LARP1: variants seen among roughly 807,000 people sequenced by gnomAD.
LARP1 encodes la-related protein 1.
LARP1 carries 36 observed loss-of-function variants against 122.7 expected under a neutral mutation model. The observed-to-expected ratio is 0.29, with a 90% CI of 0.22 to 0.39. The LOEUF is 0.39. LARP1 is among the 10% of genes least tolerant of loss of function. The pLI, the probability that LARP1 is intolerant of heterozygous loss-of-function variation, is 1.00. For missense variants in LARP1, 1,040 were observed against 1,403.6 expected, an observed-to-expected ratio of 0.74 and a Z score of 4.14; for synonymous variants, 539 against 528.7, an observed-to-expected ratio of 1.02 and a Z score of -0.27.
chr5:154,776,647 A>G (rs1355199818), intron 1 of LARP1, among the ~76,000 whole-genome samples: 1 of 152,232 alleles, frequency 6.6e-6, no homozygotes, highest in Non-Finnish European at 1.5e-5. Context: ...TGTTCAATTT[A>G]TGCCCACCTT....
chr5:154,793,954 AC>A lies in LARP1; in HGVS notation c.1024del (p.Arg342GlyfsTer39). On this transcript the variant is annotated frameshift_variant, in exon 6 of 19. Coordinates refer to ENST00000518297, the MANE Select transcript of LARP1 (RefSeq NM_033551.3). LOFTEE classifies it high-confidence loss of function. ...CGCGGGCTTCCTTCCGTGGCCGTGG[AC>A]GGGGGCGTGGTCGCGGCCGGGGACG... is the stretch of plus-strand genomic sequence containing the variant. Reference protein sequence around the residue: ...GARASFRGRGRGRGRGRGRGR... With the variant: ...GARASFRGRGXGRGRGRGRGR... The A allele has an allele frequency of 6.2e-7, 1 of 1,612,814 alleles. No homozygotes were observed. Among genetic ancestry groups the A allele is most frequent in the Non-Finnish European group, 8.5e-7 (1 of 1,179,102 alleles).
intron 1 of LARP1, among the ~76,000 whole-genome samples, chr5:154,701,798 T>C (rs1754736062): frequency 6.6e-6 from 1 of 152,036 alleles, no homozygotes; most frequent in Non-Finnish European, 1.5e-5. Context: ...ATTTTTTATA[T>C]TTTTAGTAGA....
chr5:154,686,563 C>T (rs1202566906), intron 1 of LARP1, among the ~76,000 whole-genome samples: 1 of 152,130 alleles, frequency 6.6e-6, no homozygotes, highest in Non-Finnish European at 1.5e-5. Flanking sequence ...CTTGAAAAAT[C>T]GAAAGGTCCC....
intron 1 of LARP1, among the ~76,000 whole-genome samples, chr5:154,772,866 T>C (rs1158358753): frequency 1.3e-5 from 2 of 152,122 alleles, no homozygotes; most frequent in African/African-American, 4.8e-5. Context: ...TTTGTATTTT[T>C]AGTAGAGACG....
At chr5:154,780,410 TC>T (rs2113715100) in intron 1 of LARP1, among the ~76,000 whole-genome samples, 1 of 152,338 alleles carries the variant, frequency 6.6e-6, no homozygotes, top group African/African-American at 2.4e-5. Flanking sequence ...GGGGAACAGT[TC>T]CTGTGACACT....
At chr5:154,732,913 G>A (rs1163757537) in intron 1 of LARP1, among the ~76,000 whole-genome samples, 1 of 152,158 alleles carries the variant, frequency 6.6e-6, no homozygotes, top group Non-Finnish European at 1.5e-5. Flanking sequence ...ATCCTTCCCT[G>A]TCTGCACATT....
intron 1 of LARP1, among the ~76,000 whole-genome samples, chr5:154,731,205 C>G (rs1756548067): frequency 6.6e-6 from 1 of 151,880 alleles, no homozygotes; most frequent in Non-Finnish European, 1.5e-5. Flanking sequence ...AAAAACACAC[C>G]CATGCATAGA....
intron 8 of LARP1, among the ~76,000 whole-genome samples, chr5:154,796,833 C>G (rs546945147): frequency 2.0e-5 from 3 of 152,162 alleles, no homozygotes; most frequent in Non-Finnish European, 4.4e-5. Flanking sequence ...TGATCTTCCT[C>G]CCTTTGTTAG....
intron 1 of LARP1, chr5:154,685,875 A>G: frequency 2.0e-6 from 1 of 510,694 alleles, no homozygotes; most frequent in African/African-American, 2.0e-5. Flanking sequence ...CAGCATGTAA[A>G]CTGTACAGCC....
chr5:154,763,301 A>T (rs1236652061), intron 1 of LARP1, among the ~76,000 whole-genome samples: 1 of 151,942 alleles, frequency 6.6e-6, no homozygotes, highest in Admixed American at 6.6e-5. Context: ...ACCTCAGGTG[A>T]TCTGCCCACT....
At chr5:154,742,136 T>G (rs1752917745) in intron 1 of LARP1, among the ~76,000 whole-genome samples, 1 of 152,242 alleles carries the variant, frequency 6.6e-6, no homozygotes. Flanking sequence ...ACAGCTTTTC[T>G]GCACTTCACT....
At chr5:154,715,532 C>A (rs949396253) in intron 1 of LARP1, among the ~76,000 whole-genome samples, 1 of 152,078 alleles carries the variant, frequency 6.6e-6, no homozygotes, top group African/African-American at 2.4e-5. Flanking sequence ...CATGAGCCAC[C>A]GTGCCCGACC....
intron 1 of LARP1, among the ~76,000 whole-genome samples, chr5:154,780,300 G>C (rs1756316370): frequency 6.6e-6 from 1 of 152,192 alleles, no homozygotes; most frequent in Admixed American, 6.5e-5. Flanking sequence ...AAAGGGATTG[G>C]AAATGGGGCC....
chr5:154,747,027 AG>A (rs1307427710), intron 1 of LARP1, among the ~76,000 whole-genome samples: 6 of 152,106 alleles, frequency 3.9e-5, no homozygotes, highest in Non-Finnish European at 7.4e-5. Context: ...GCGGCTCGGG[AG>A]GCTGAGGCAG....
At chr5:154,703,519 C>T (rs1005629657) in intron 1 of LARP1, among the ~76,000 whole-genome samples, 10 of 152,176 alleles carry the variant, frequency 6.6e-5, no homozygotes, top group Admixed American at 4.6e-4. Flanking sequence ...GAGAATGAGG[C>T]AGGAGACTCA....
intron 1 of LARP1, among the ~76,000 whole-genome samples, chr5:154,701,141 T>A (rs146110492): frequency 7.8e-4 from 118 of 152,134 alleles, no homozygotes; most frequent in African/African-American, 2.7e-3. Flanking sequence ...TTTTGTTTGT[T>A]TGTTTGTTTT....
chr5:154,712,605 A>G (rs1404752826), upstream of LARP1, among the ~76,000 whole-genome samples: 1 of 152,124 alleles, frequency 6.6e-6, no homozygotes, highest in Non-Finnish European at 1.5e-5. Flanking sequence ...CTTGTTTTCC[A>G]GGGTGGAGAG....
At chr5:154,690,400 CG>C (rs1467967004) in intron 1 of LARP1, among the ~76,000 whole-genome samples, 2 of 152,156 alleles carry the variant, frequency 1.3e-5, no homozygotes, top group Admixed American at 1.3e-4. Context: ...CTTTGTCGTG[CG>C]GCAAGCCCCT....
intron 1 of LARP1, among the ~76,000 whole-genome samples, chr5:154,726,028 C>CAG (rs10626169): frequency 0.77 from 116,382 of 151,720 alleles, 44,772 homozygotes; most frequent in African/African-American, 0.79. Context: ...TTAGTAGAGA[C>CAG]GGGTTATCTC....
Sources: gnomAD v4.1 joint callset for allele counts (sites outside exome capture counted in the v4.1 genomes callset) on GRCh38, gnomAD v4.1.1 for gene constraint, MANE v1.5 for transcripts, NCBI Gene and HGNC (gene_info 2026-07-23, HGNC 2026-07-21) for gene names.